The following AZIN1 variants were observed in gnomAD, a reference collection of about 807,000 sequenced individuals.
AZIN1 encodes ornithine decarboxylase antizyme inhibitor.
In AZIN1, 12 loss-of-function variants were observed where a neutral mutation model predicts 47.4. The observed-to-expected ratio is 0.25, with a 90% confidence interval of 0.16 to 0.41. The LOEUF (loss-of-function observed/expected upper bound fraction) is 0.41. AZIN1 is among the 10% of genes least tolerant of loss of function. The pLI, the probability that AZIN1 is intolerant of heterozygous loss-of-function variation, is 1.00. For synonymous variants in AZIN1, 155 were observed against 176.3 expected (o/e 0.88, Z 0.96); for missense variants, 410 against 532.4 (o/e 0.77, Z 2.26).
At chr8:102,858,796 G>A (rs1439910124) in intron 1 of AZIN1, among the ~76,000 whole-genome samples, 2 of 152,028 alleles carry the variant, frequency 1.3e-5, no homozygotes, top group African/African-American at 4.8e-5. Flanking sequence ...AACCTATTTG[G>A]ACATAATTCA....
chr8:102,836,323 T>C lies in AZIN1; in HGVS notation c.517A>G (p.Thr173Ala). ...GEEGNMKFGT[T>A]LKNCRHLLEC... is the part of the protein sequence containing the mutation. Reference sequence around the variant, plus strand: ...AAGAGATGCCTACAGTTCTTCAGGGTAGTGCCAAACTTCATGTTACCCTCT... The same window carrying C: ...AAGAGATGCCTACAGTTCTTCAGGGCAGTGCCAAACTTCATGTTACCCTCT... The change falls in exon 6 of 12, where the codon ACC (threonine) becomes GCC (alanine). Residue 173 changes from threonine to alanine, a missense_variant. Physicochemically the swap from Thr to Ala is moderately conservative, Grantham distance 58 (BLOSUM62 0). Around this residue, in one of 3 missense-constraint regions of AZIN1, gnomAD observed 237 missense variants for 309.4 expected, o/e 0.77. Transcript: ENST00000337198. 6.2e-7 allele frequency: 1 copy of C among 1,613,492 alleles called. No individual in the cohort carries two copies. The highest frequency in any genetic ancestry group is 8.5e-7 in the Non-Finnish European group (1 of 1,179,392).
intron 2 of AZIN1, among the ~76,000 whole-genome samples, chr8:102,849,224 C>G (rs1046843602): frequency 6.6e-6 from 1 of 151,988 alleles, no homozygotes; most frequent in Non-Finnish European, 1.5e-5. Context: ...ACCCAGGAGG[C>G]GGAGGTTACA....
intron 1 of AZIN1, among the ~76,000 whole-genome samples, chr8:102,860,234 T>C (rs1239005904): frequency 6.6e-6 from 1 of 152,238 alleles, no homozygotes; most frequent in Non-Finnish European, 1.5e-5. Context: ...GGTTGGTCAG[T>C]AAGAAACAAG....
chr8:102,829,632 C>A lies in AZIN1; in HGVS notation c.1021-146G>T, dbSNP rs74944128. The A allele has an allele frequency of 2.4e-5, 21 of 860,300 alleles. No homozygotes were observed. The South Asian group carries it at 2.9e-4, about 12-fold the overall frequency. 53.3% of individuals were successfully genotyped at this position (860,300 alleles called of 1,614,324 possible). ...CAAGGGCAGGGTGCTACTTAAGCCT[C>A]GATGGTACCATTAACTCCACGTAAA... On this transcript the variant is annotated intron_variant, in intron 10 of 11. Coordinates refer to ENST00000337198, the MANE Select transcript of AZIN1 (RefSeq NM_148174.4).
intron 2 of AZIN1, among the ~76,000 whole-genome samples, chr8:102,844,070 A>G (rs995468265): frequency 2.0e-5 from 3 of 152,228 alleles, no homozygotes; most frequent in African/African-American, 4.8e-5. Context: ...CCTATAACAC[A>G]CATAATTTTA....
At chr8:102,853,162 A>G (rs1055143998) in intron 2 of AZIN1, among the ~76,000 whole-genome samples, 1 of 152,268 alleles carries the variant, frequency 6.6e-6, no homozygotes, top group African/African-American at 2.4e-5. Context: ...TAATTTTCTC[A>G]GCTAAACTAA....
chr8:102,852,314 G>A (rs1160425370), intron 2 of AZIN1, among the ~76,000 whole-genome samples: 3 of 152,134 alleles, frequency 2.0e-5, no homozygotes, highest in East Asian at 1.9e-4. Context: ...GGTGGCTCAC[G>A]CCTGTAATCC....
intron 3 of AZIN1, among the ~76,000 whole-genome samples, chr8:102,841,805 T>TATAAAA (rs1554581318): frequency 8.7e-6 from 1 of 114,400 alleles, no homozygotes; most frequent in East Asian, 2.5e-4. Flanking sequence ...TATATATATA[T>TATAAAA]AAAAAAAAAA....
chr8:102,856,080 T>C (rs1158051929), intron 2 of AZIN1: 1 of 142,292 alleles, frequency 7.0e-6, no homozygotes, highest in Non-Finnish European at 1.5e-5. Flanking sequence ...CAGATCCAGG[T>C]CAAGTTTTTT....
chr8:102,858,298 TACC>T (rs1372736334), intron 1 of AZIN1, 148 bp from the exon 2 acceptor site: 3 of 390,700 alleles, frequency 7.7e-6, no homozygotes, highest in Non-Finnish European at 1.4e-5. Context: ...TCAAAGGGTT[TACC>T]ACAGTACCAA....
At chr8:102,851,289 A>G (rs1031439741) in intron 2 of AZIN1, among the ~76,000 whole-genome samples, 20 of 152,326 alleles carry the variant, frequency 1.3e-4, no homozygotes, top group African/African-American at 4.8e-4. Context: ...AAAGAGACAC[A>G]CTATTTTGGT....
intron 2 of AZIN1, among the ~76,000 whole-genome samples, chr8:102,855,195 T>C (rs1380287664): frequency 6.6e-6 from 1 of 151,762 alleles, no homozygotes; most frequent in Non-Finnish European, 1.5e-5. Context: ...TAGTTGGCAT[T>C]ACAGGCACCT....
rs562311354 is a variant in AZIN1, at chr8:102,841,670, G to A, written c.103-1847C>T. Among the ~76,000 whole-genome samples, 13 of 152,122 alleles carry A rather than the reference G, an allele frequency of 8.5e-5. No homozygotes were observed. The South Asian group carries it at 2.7e-3, about 32-fold the overall frequency. On this transcript the variant is annotated intron_variant, in intron 3 of 11. Coordinates refer to ENST00000337198, the MANE Select transcript of AZIN1 (RefSeq NM_148174.4). Reference sequence around the variant, plus strand: ...CACGTCTGCAGACTTAAGGTCAAGAGAAGGAGAAAATTTTGGATATTCAAT... The same window carrying A: ...CACGTCTGCAGACTTAAGGTCAAGAAAAGGAGAAAATTTTGGATATTCAAT...
intron 2 of AZIN1, among the ~76,000 whole-genome samples, chr8:102,850,382 A>T (rs1812844920): frequency 6.6e-6 from 1 of 152,308 alleles, no homozygotes; most frequent in South Asian, 2.1e-4. Flanking sequence ...CAGCTTTAAA[A>T]ATATACAACG....
chr8:102,826,814 CCTT>C lies in AZIN1; in HGVS notation c.*1750_*1752del, dbSNP rs1586143855. ...AAGAAGGTAGGAAACAGTTCCCCCTCCTTGTTAAATGGTTAAAAAAAGTTACAT... is the reference window on the plus strand; with the variant it reads ...AAGAAGGTAGGAAACAGTTCCCCCTCGTTAAATGGTTAAAAAAAGTTACAT... On this transcript the variant is annotated 3_prime_UTR_variant, in exon 12 of 12. Coordinates refer to ENST00000337198, the MANE Select transcript of AZIN1 (RefSeq NM_148174.4). 6.6e-6 allele frequency: 1 copy of C among 152,498 alleles called. No homozygotes were observed. Among genetic ancestry groups the C allele is most frequent in the East Asian group, 1.9e-4 (1 of 5,190 alleles). The allele number at this position is 152,498 out of a possible 1,614,324, so 9.4% of individuals were successfully genotyped here.
chr8:102,863,284 C>G (rs1813859114), intron 1 of AZIN1, among the ~76,000 whole-genome samples: 1 of 151,984 alleles, frequency 6.6e-6, no homozygotes, highest in South Asian at 2.1e-4. Flanking sequence ...GCGGGGCCCG[C>G]CCCGCTCCAT....
chr8:102,846,049 G>A (rs1325749489), intron 2 of AZIN1, among the ~76,000 whole-genome samples: 1 of 152,134 alleles, frequency 6.6e-6, no homozygotes, highest in African/African-American at 2.4e-5. Context: ...AAGTCTCTGG[G>A]CATAGTCTAA....
At chr8:102,839,876 C>G in intron 3 of AZIN1, 53 bp from the exon 4 acceptor site, 1 of 1,388,878 alleles carries the variant, frequency 7.2e-7, no homozygotes, top group Non-Finnish European at 9.8e-7. Context: ...CATTGAAAAT[C>G]AAGTATCAAA....
At chr8:102,841,735 T>C (rs1217961402) in intron 3 of AZIN1, among the ~76,000 whole-genome samples, 1 of 150,922 alleles carries the variant, frequency 6.6e-6, no homozygotes, top group African/African-American at 2.4e-5. Flanking sequence ...ATCTAACAAG[T>C]TTGGTTGAAT....
Sources: gnomAD v4.1 joint callset for allele counts (sites outside exome capture counted in the v4.1 genomes callset) on GRCh38, gnomAD v4.1.1 for gene constraint, gnomAD v4.1.1 regional missense constraint, MANE v1.5 for transcripts, NCBI Gene and HGNC (gene_info 2026-07-23, HGNC 2026-07-21) for gene names.